The following EMILIN1 variants were observed in gnomAD, a reference collection of about 807,000 sequenced individuals.
The protein encoded by EMILIN1 is EMILIN-1.
EMILIN1 carries 49 observed loss-of-function variants against 82.4 expected under a neutral mutation model. That is an observed-to-expected ratio of 0.59 (90% CI 0.47 to 0.75). The LOEUF (loss-of-function observed/expected upper bound fraction) is 0.75. Ranked by LOEUF, EMILIN1 falls within the 30% of genes least tolerant of loss-of-function variation. EMILIN1 has a pLI of 0.00. For synonymous variants in EMILIN1, 604 were observed against 602.2 expected (o/e 1.00, Z -0.04); for missense variants, 1,313 against 1,366.4 (o/e 0.96, Z 0.62).
intron 5 of EMILIN1, 98 bp downstream of exon 5, chr2:27,084,629 C>T: frequency 1.3e-6 from 1 of 743,032 alleles, no homozygotes. Flanking sequence ...CCACTCTGAA[C>T]TTGACAAGGG....
At position 27,082,931 on chromosome 2, in the gene EMILIN1, G is replaced by A; in HGVS notation, c.1360G>A (p.Ala454Thr). The A allele has an allele frequency of 6.3e-7, 1 of 1,584,802 alleles. No homozygotes were observed. Residue 454 changes from alanine to threonine, a missense_variant, in exon 4 of 8, where the codon GCC becomes ACC. Transcript: ENST00000380320. ...GRLEQLGGLL[A>T]NVSGELGGRL... ...ACTAGAGCAGTTGGGGGGGCTGCTG[G>A]CCAATGTGAGCGGGGAGCTGGGGGG...
At position 27,083,900 on chromosome 2, in the gene EMILIN1, G is replaced by A; in HGVS notation, c.2329G>A (p.Glu777Lys). Residue 777 changes from glutamate to lysine, a missense_variant, in exon 4 of 8, where the codon GAG becomes AAG. Coordinates refer to ENST00000380320, the MANE Select transcript of EMILIN1 (RefSeq NM_007046.4). Reference sequence around the variant, plus strand: ...CAGCCAGATGCAGGCAGCCCTGCTGGAGAAGCTGGTCGGGGGACAGGCGGG... The same window carrying A: ...CAGCCAGATGCAGGCAGCCCTGCTGAAGAAGCTGGTCGGGGGACAGGCGGG... ...TTSQMQAALL[E>K]KLVGGQAGLG... The A allele has an allele frequency of 1.9e-6, 3 of 1,609,040 alleles. No homozygotes were observed. The highest frequency in any genetic ancestry group is 2.5e-6 in the Non-Finnish European group (3 of 1,176,748).
chr2:27,082,633 C>A lies in EMILIN1; in HGVS notation c.1062C>A (p.Cys354Ter). 1 of 1,545,926 alleles carries A rather than the reference C, an allele frequency of 6.5e-7. No homozygotes were observed. The highest frequency in any genetic ancestry group is 8.7e-7 in the Non-Finnish European group (1 of 1,148,038). ...AVGRRPPQEC[C>*]SPELGRRLAE... Reference sequence around the variant, plus strand: ...GCCGCAGGCCCCCTCAGGAATGCTGCTCTCCAGAGCTGGGCCGGCGACTGG... The same window carrying A: ...GCCGCAGGCCCCCTCAGGAATGCTGATCTCCAGAGCTGGGCCGGCGACTGG... The change falls in exon 4 of 8, where the codon TGC becomes TGA. Residue 354 changes from cysteine to a stop codon, truncating the protein, a stop_gained. Transcript: ENST00000380320. LOFTEE classifies it high-confidence loss of function.
chr2:27,082,447 G>T lies in EMILIN1; in HGVS notation c.876G>T (p.Arg292=), dbSNP rs1262207015. Residue 292 remains arginine, a synonymous_variant, in exon 4 of 8, where the codon CGG becomes CGT. Coordinates refer to ENST00000380320, the MANE Select transcript of EMILIN1 (RefSeq NM_007046.4). ...APPGPSEELL[R]QLEQRLQESC... ...CGGGCCCCAGTGAGGAGCTGCTGCG[G>T]CAGCTGGAGCAGCGGTTGCAGGAGT... is the stretch of plus-strand genomic sequence containing the variant. 6.3e-7 allele frequency: 1 copy of T among 1,577,578 alleles called. No homozygotes were observed. The highest frequency in any genetic ancestry group is 8.6e-7 in the Non-Finnish European group (1 of 1,164,792).
At chr2:27,082,002 A>T (rs1310843315) in intron 3 of EMILIN1, 81 bp from the exon 4 acceptor site, 2 of 1,449,348 alleles carry the variant, frequency 1.4e-6, no homozygotes, top group Admixed American at 5.5e-5. Context: ...TGGGCATCTG[A>T]CCCTTGCTGG....
chr2:27,079,009 G>C lies in EMILIN1; in HGVS notation c.-57G>C. 2 of 1,376,592 alleles carry C rather than the reference G, an allele frequency of 1.5e-6. No homozygotes were observed. The highest frequency in any genetic ancestry group is 2.4e-4 in the Middle Eastern group (1 of 4,120). 85.3% of individuals were successfully genotyped at this position (1,376,592 alleles called of 1,614,324 possible). A position where few individuals can be genotyped will look rare whatever the true frequency, so the allele number is the denominator to read the frequency against. On this transcript the variant is annotated 5_prime_UTR_variant, in exon 1 of 8. Coordinates refer to ENST00000380320, the MANE Select transcript of EMILIN1 (RefSeq NM_007046.4). ...AGCAGCAGCATCCCCGGGGCCGGCAGAGGCGCCAGTGGCTGGGCGGGATGA... is the reference window on the plus strand; with the variant it reads ...AGCAGCAGCATCCCCGGGGCCGGCACAGGCGCCAGTGGCTGGGCGGGATGA...
At chr2:27,080,315 G>A (rs780638957) in intron 2 of EMILIN1, 45 bp downstream of exon 2, 31 of 1,606,494 alleles carry the variant, frequency 1.9e-5, no homozygotes, top group Admixed American at 5.0e-5. Flanking sequence ...GGAACTGGGC[G>A]AGGGCAGATG....
chr2:27,084,514 G>A lies in EMILIN1; in HGVS notation c.2540G>A (p.Gly847Asp). The A allele has an allele frequency of 1.9e-6, 3 of 1,610,634 alleles. No homozygotes were observed. The highest frequency in any genetic ancestry group is 1.7e-6 in the Non-Finnish European group (2 of 1,177,514). ...PGSPGKDGQE[G>D]PIGPPGPQGE... is the part of the protein sequence containing the mutation. ...TCACCAGGCAAGGACGGGCAAGAGG[G>A]CCCCATCGGGCCACCAGGTATGTGC... The change falls in exon 5 of 8, where the codon GGC becomes GAC. Residue 847 changes from glycine (G) to aspartate (D), a missense_variant. By Grantham distance (94) the Gly-to-Asp change is moderately conservative (BLOSUM62 -1). Transcript: ENST00000380320.
chr2:27,079,376 C>A, intron 1 of EMILIN1, 141 bp downstream of exon 1: 1 of 689,628 alleles, frequency 1.5e-6, no homozygotes, highest in Non-Finnish European at 2.3e-6. Flanking sequence ...TCCTCACATG[C>A]CCACCTTCCC....
Position 27,083,083 on chromosome 2 carries a change from G to C in EMILIN1, c.1512G>C (p.Val504=). The C allele has an allele frequency of 6.4e-7, 1 of 1,560,516 alleles. No homozygotes were observed. Among genetic ancestry groups the C allele is most frequent in the Non-Finnish European group, 8.7e-7 (1 of 1,152,504 alleles). ...TCCTCAGTGCCTTGGAGCGCAGGGT[G>C]CTGGACAGTGAGGGGCAGCTGCGGC... ...SEILSALERR[V]LDSEGQLRLV... is the part of the protein sequence containing the mutation. Residue 504 remains valine, a synonymous_variant, in exon 4 of 8, where the codon GTG becomes GTC. Coordinates refer to ENST00000380320, the MANE Select transcript of EMILIN1 (RefSeq NM_007046.4).
In EMILIN1 at chr2:27,084,516, C is replaced by T. The variant is rs1452320177; in HGVS notation, c.2542C>T (p.Pro848Ser). 1 of 1,610,924 alleles carries T rather than the reference C, an allele frequency of 6.2e-7. No individual in the cohort carries two copies. The highest frequency in any genetic ancestry group is 8.5e-7 in the Non-Finnish European group (1 of 1,177,728). ...GSPGKDGQEG[P>S]IGPPGPQGEQ... Reference sequence around the variant, plus strand: ...ACCAGGCAAGGACGGGCAAGAGGGCCCCATCGGGCCACCAGGTATGTGCAC... The same window carrying T: ...ACCAGGCAAGGACGGGCAAGAGGGCTCCATCGGGCCACCAGGTATGTGCAC... Residue 848 changes from proline to serine, a missense_variant, in exon 5 of 8, where the codon CCC becomes TCC. By Grantham distance (74) the Pro-to-Ser change is moderately conservative. Coordinates refer to ENST00000380320, the MANE Select transcript of EMILIN1 (RefSeq NM_007046.4).
chr2:27,085,357 T>G, intron 7 of EMILIN1, 60 bp downstream of exon 7: 1 of 1,585,866 alleles, frequency 6.3e-7, no homozygotes. Context: ...TGCAGTGATA[T>G]CTTCCCATTC....
At position 27,083,724 on chromosome 2, in the gene EMILIN1, G is replaced by A; in HGVS notation, c.2153G>A (p.Gly718Asp). ...RGLEEGQAQA[G>D]QCPSLEGRLG... ...CTAGAGGAGGGACAAGCACAGGCCG[G>A]CCAGTGCCCCAGCTTAGAGGGGCGA... Residue 718 changes from glycine to aspartate, a missense_variant, in exon 4 of 8, where the codon GGC becomes GAC. Transcript: ENST00000380320. 6.2e-7 allele frequency: 1 copy of A among 1,613,840 alleles called. No homozygotes were observed. Among genetic ancestry groups the A allele is most frequent in the Admixed American group, 1.7e-5 (1 of 60,014 alleles).
Position 27,082,630 on chromosome 2 carries a change from C to T in EMILIN1, c.1059C>T (p.Cys353=), listed in dbSNP as rs1281861728. ...TGGGCCGCAGGCCCCCTCAGGAATG[C>T]TGCTCTCCAGAGCTGGGCCGGCGAC... is the stretch of plus-strand genomic sequence containing the variant. ...LAVGRRPPQE[C]CSPELGRRLA... Residue 353 remains cysteine, a synonymous_variant, in exon 4 of 8, where the codon TGC becomes TGT. Transcript: ENST00000380320. The T allele has an allele frequency of 3.2e-6, 5 of 1,545,688 alleles. No homozygotes were observed. Among genetic ancestry groups the T allele is most frequent in the Admixed American group, 3.9e-5 (2 of 51,616 alleles).
In EMILIN1 at chr2:27,083,846, T is replaced by C. The variant is rs748457915; in HGVS notation, c.2275T>C (p.Trp759Arg). The C allele has an allele frequency of 2.5e-6, 4 of 1,602,962 alleles. No individual in the cohort carries two copies. In the East Asian group the frequency reaches 6.7e-5, roughly 27 times the overall value. The change falls in exon 4 of 8, where the codon TGG becomes CGG. Residue 759 changes from tryptophan to arginine, a missense_variant. Transcript: ENST00000380320. ...CCTTTCCAGACACGTGGCTGGGCTCTGGGCTGGGCTCCGGGAAACCAACAC... is the reference window on the plus strand; with the variant it reads ...CCTTTCCAGACACGTGGCTGGGCTCCGGGCTGGGCTCCGGGAAACCAACAC... ...EGLSRHVAGL[W>R]AGLRETNTTS...
rs778969414 is a variant in EMILIN1, at chr2:27,084,391, T to C, written c.2441-24T>C. The C allele has an allele frequency of 6.2e-6, 9 of 1,449,726 alleles. No individual in the cohort carries two copies. The Admixed American group carries it at 1.5e-4, about 24-fold the overall frequency. 89.8% of individuals were successfully genotyped at this position (1,449,726 alleles called of 1,614,324 possible). A position where few individuals can be genotyped will look rare whatever the true frequency, so the allele number is the denominator to read the frequency against. ...TTGGAAACTCCTTTTATGGCCCTCCTTCAACTCAATTTTGTCACTGTAGGG... is the reference window on the plus strand; with the variant it reads ...TTGGAAACTCCTTTTATGGCCCTCCCTCAACTCAATTTTGTCACTGTAGGG... On this transcript the variant is annotated intron_variant, in intron 4 of 7. Coordinates refer to ENST00000380320, the MANE Select transcript of EMILIN1 (RefSeq NM_007046.4).
At position 27,083,694 on chromosome 2, in the gene EMILIN1, G is replaced by A. The variant is rs201232977; in HGVS notation, c.2123G>A (p.Arg708Gln). Residue 708 changes from arginine to glutamine, a missense_variant, in exon 4 of 8, where the codon CGA becomes CAA. Transcript: ENST00000380320. ...EHATESEERFRGLEEGQAQAG... is the reference protein window; with the variant it reads ...EHATESEERFQGLEEGQAQAG... ...GCTACAGAGAGTGAAGAGCGCTTCCGAGGCCTAGAGGAGGGACAAGCACAG... is the reference window on the plus strand; with the variant it reads ...GCTACAGAGAGTGAAGAGCGCTTCCAAGGCCTAGAGGAGGGACAAGCACAG... 180 of 1,613,882 alleles carry A rather than the reference G, an allele frequency of 1.1e-4. No individual in the cohort carries two copies. The highest frequency in any genetic ancestry group is 1.6e-4 in the Middle Eastern group (1 of 6,082).
At position 27,086,104 on chromosome 2, in the gene EMILIN1, G is replaced by T. The variant is rs1572849983; in HGVS notation, c.*89G>T. On this transcript the variant is annotated 3_prime_UTR_variant, in exon 8 of 8. Transcript: ENST00000380320. ...GGTCTCGCCTGAGACGGGGCACCTA[G>T]CCCTGGGCGAGCGCCGCACCCGGGC... The T allele has an allele frequency of 1.9e-6, 2 of 1,031,884 alleles. No homozygotes were observed. The allele number at this position is 1,031,884 out of a possible 1,614,324, so 63.9% of individuals were successfully genotyped here. A position where few individuals can be genotyped will look rare whatever the true frequency, so the allele number is the denominator to read the frequency against.
intron 7 of EMILIN1, 53 bp from the exon 8 acceptor site, chr2:27,085,625 G>C: frequency 6.6e-7 from 1 of 1,504,734 alleles, no homozygotes; most frequent in Non-Finnish European, 9.1e-7. Context: ...CAGGAGTTCT[G>C]GTGCGCTCCC....
Sources: allele counts gnomAD v4.1 joint callset, GRCh38; gene constraint gnomAD v4.1.1; transcripts MANE v1.5; gene names NCBI Gene and HGNC (gene_info 2026-07-23, HGNC 2026-07-21).